STK33: variants seen among roughly 807,000 people sequenced by gnomAD.
The protein encoded by STK33 is serine/threonine kinase 33, also known as serine/threonine-protein kinase 33.
In STK33, 52 loss-of-function variants were observed where a neutral mutation model predicts 58.0. The ratio of observed to expected loss-of-function variants is 0.90; its 90% CI spans 0.72 to 1.13. STK33 has a LOEUF of 1.13. Among genes scored for constraint, STK33 ranks in the 50% most tolerant of loss-of-function variants. The probability of loss-of-function intolerance (pLI) is 0.00; values close to 1 mark genes in which losing one functional copy is unlikely to be tolerated. For synonymous variants in STK33, 215 were observed against 200.1 expected (o/e 1.07, Z -0.63); for missense variants, 630 against 604.2 (o/e 1.04, Z -0.45).
chr11:8,509,060 G>A (rs1952096836), intron 1 of STK33, among the ~76,000 whole-genome samples: 1 of 144,562 alleles, frequency 6.9e-6, no homozygotes, highest in Non-Finnish European at 1.5e-5. Context: ...AGGTTTTGGT[G>A]AGCCAAGGTC....
intron 1 of STK33, among the ~76,000 whole-genome samples, chr11:8,538,765 A>G (rs1439487196): frequency 1.3e-5 from 2 of 152,218 alleles, no homozygotes; most frequent in Non-Finnish European, 2.9e-5. Context: ...ACACATATGC[A>G]TGTCTCTAAA....
intron 1 of STK33, among the ~76,000 whole-genome samples, chr11:8,541,698 T>G (rs1955531713): frequency 6.6e-6 from 1 of 152,170 alleles, no homozygotes; most frequent in African/African-American, 2.4e-5. Flanking sequence ...GTTTCACAAC[T>G]TCTGTCTGTG....
chr11:8,484,753 C>T (rs1470208775), intron 1 of STK33, among the ~76,000 whole-genome samples: 2 of 152,172 alleles, frequency 1.3e-5, no homozygotes, highest in African/African-American at 4.8e-5. Context: ...AGAAAGGAGG[C>T]ATCTGTATCC....
the STK33 span, among the ~76,000 whole-genome samples, chr11:8,353,315 C>T: frequency 1.1e-4 from 17 of 152,356 alleles, 1 homozygote; most frequent in African/African-American, 3.8e-4. Context: ...TCTGACTAAG[C>T]AGCTTGGCAA....
intron 1 of STK33, among the ~76,000 whole-genome samples, chr11:8,505,402 C>G (rs545186651): frequency 6.6e-6 from 1 of 152,334 alleles, no homozygotes; most frequent in East Asian, 1.9e-4. Flanking sequence ...CATTCTCGGA[C>G]AGATGTCAAT....
chr11:8,409,136 T>G (rs1427344970), intron 15 of STK33, among the ~76,000 whole-genome samples: 1 of 152,224 alleles, frequency 6.6e-6, no homozygotes, highest in Non-Finnish European at 1.5e-5. Flanking sequence ...GCCACCTATT[T>G]AACTCTTTTC....
intron 15 of STK33, among the ~76,000 whole-genome samples, chr11:8,404,221 G>A (rs959531886): frequency 3.9e-5 from 6 of 152,200 alleles, no homozygotes; most frequent in South Asian, 2.1e-4. Context: ...CTTGTGTGGA[G>A]TCAACAGAAA....
chr11:8,592,251 C>T (rs988674935), intron 1 of STK33, among the ~76,000 whole-genome samples: 3 of 152,158 alleles, frequency 2.0e-5, no homozygotes, highest in Non-Finnish European at 4.4e-5. Flanking sequence ...CAAAGCCCAG[C>T]ATAGTGGTTC....
At chr11:8,570,503 A>G (rs1055463458) in intron 1 of STK33, among the ~76,000 whole-genome samples, 2 of 152,252 alleles carry the variant, frequency 1.3e-5, no homozygotes, top group African/African-American at 2.4e-5. Flanking sequence ...AAAACTAGAA[A>G]CAACCCAAAT....
chr11:8,537,137 A>G (rs945436109), intron 1 of STK33, among the ~76,000 whole-genome samples: 1 of 150,542 alleles, frequency 6.6e-6, no homozygotes, highest in Non-Finnish European at 1.5e-5. Context: ...CCGCCACCAC[A>G]CCTGACCAAC....
intron 1 of STK33, among the ~76,000 whole-genome samples, chr11:8,585,668 G>A (rs1471861227): frequency 6.6e-6 from 1 of 152,048 alleles, no homozygotes; most frequent in Non-Finnish European, 1.5e-5. Context: ...CAAGCACTTT[G>A]GGAGGCTGAG....
chr11:8,432,733 A>T (rs1943568634), intron 14 of STK33, among the ~76,000 whole-genome samples: 1 of 152,234 alleles, frequency 6.6e-6, no homozygotes, highest in South Asian at 2.1e-4. Flanking sequence ...AGATTACTTC[A>T]AACAGGGGAT....
In STK33 at chr11:8,392,122, C is replaced by A. The variant is rs1276740272; in HGVS notation, c.*388G>T. On this transcript the variant is annotated 3_prime_UTR_variant, in exon 16 of 16. Transcript: ENST00000687296. ...GCAAAGTGCACATAATTATTTGGCA[C>A]CTCCATTACTATATTTGGCCTCTTG... is the stretch of plus-strand genomic sequence containing the variant. 1.0e-5 allele frequency: 2 copies of A among 199,682 alleles called. No homozygotes were observed. The highest frequency in any genetic ancestry group is 2.0e-5 in the Non-Finnish European group (2 of 97,862). 12.4% of individuals were successfully genotyped at this position (199,682 alleles called of 1,614,324 possible). A position where few individuals can be genotyped will look rare whatever the true frequency, so the allele number is the denominator to read the frequency against.
chr11:8,500,921 G>A (rs1319378267), intron 1 of STK33, among the ~76,000 whole-genome samples: 1 of 152,076 alleles, frequency 6.6e-6, no homozygotes, highest in Admixed American at 6.5e-5. Context: ...GACAAGGGTA[G>A]GTACCAAGAC....
At chr11:8,593,064 G>A (rs753974819) in intron 1 of STK33, among the ~76,000 whole-genome samples, 1 of 152,172 alleles carries the variant, frequency 6.6e-6, no homozygotes, top group African/African-American at 2.4e-5. Flanking sequence ...ATATGGAAAG[G>A]AAGAAAGTGC....
At chr11:8,523,505 GC>G (rs1158609096) in intron 1 of STK33, among the ~76,000 whole-genome samples, 1 of 150,928 alleles carries the variant, frequency 6.6e-6, no homozygotes, top group Non-Finnish European at 1.5e-5. Flanking sequence ...GAAGCGAGGA[GC>G]CCCTCCGCTG....
At chr11:8,516,260 T>C (rs1368626815) in intron 1 of STK33, among the ~76,000 whole-genome samples, 4 of 152,170 alleles carry the variant, frequency 2.6e-5, no homozygotes, top group East Asian at 3.9e-4. Flanking sequence ...CATGCATATA[T>C]AGTCAACTGA....
intron 1 of STK33, among the ~76,000 whole-genome samples, chr11:8,527,172 C>T (rs950526574): frequency 7.2e-5 from 11 of 152,090 alleles, no homozygotes; most frequent in Admixed American, 5.9e-4. Flanking sequence ...GACGGGTTTT[C>T]ACCATCTTGG....
At chr11:8,462,252 A>G (rs888127603) in intron 7 of STK33, among the ~76,000 whole-genome samples, 1 of 151,948 alleles carries the variant, frequency 6.6e-6, no homozygotes, top group Admixed American at 6.6e-5. Context: ...AGGCTTTTTG[A>G]TATTTCCTTT....
Sources: allele counts gnomAD v4.1 joint callset (sites outside exome capture counted in the v4.1 genomes callset), GRCh38; gene constraint gnomAD v4.1.1; transcripts MANE v1.5; gene names NCBI Gene and HGNC (gene_info 2026-07-23, HGNC 2026-07-21).